The following FRY variants were observed in gnomAD, a reference collection of about 807,000 sequenced individuals.
FRY encodes the protein protein furry homolog.
A neutral mutation model predicts 348.4 loss-of-function variants in FRY; 128 were observed. The ratio of observed to expected loss-of-function variants is 0.37; its 90% CI spans 0.32 to 0.43. The LOEUF (loss-of-function observed/expected upper bound fraction) is 0.43. FRY is among the 20% of genes least tolerant of loss of function. FRY has a pLI of 1.00. For missense variants in FRY, 2,736 were observed against 3,695.2 expected (o/e 0.74, Z 6.73); for synonymous variants, 1,370 against 1,374.7 (o/e 1.00, Z 0.08).
chr13:32,137,163 A>G (rs762742703), intron 11 of FRY, among the ~76,000 whole-genome samples, 191 bp downstream of exon 11: 1 of 152,232 alleles, frequency 6.6e-6, no homozygotes, highest in Non-Finnish European at 1.5e-5. Flanking sequence ...TAGGAATAAG[A>G]TAAATCACTT....
At chr13:32,042,093 A>T (rs183757297) in intron 1 of FRY, among the ~76,000 whole-genome samples, 7 of 152,264 alleles carry the variant, frequency 4.6e-5, no homozygotes, top group Non-Finnish European at 8.8e-5. Context: ...AATCCTTAGC[A>T]CCACTTTCTA....
At chr13:32,052,789 T>C (rs1210354966) in intron 1 of FRY, among the ~76,000 whole-genome samples, 2 of 152,226 alleles carry the variant, frequency 1.3e-5, no homozygotes, top group Non-Finnish European at 2.9e-5. Context: ...GTTTTTAAGT[T>C]TGAATTTAAA....
In FRY at chr13:32,224,933, G is replaced by A; in HGVS notation, c.4917G>A (p.Arg1639=). 2 of 1,562,992 alleles carry A rather than the reference G, an allele frequency of 1.3e-6. No homozygotes were observed. The highest frequency in any genetic ancestry group is 1.8e-6 in the Non-Finnish European group (2 of 1,133,422). Reference sequence around the variant, plus strand: ...TTAATTTCATTATTTCATTGATTAGGTGCAATATTGCTGTAATTTTTATGA... The same window carrying A: ...TTAATTTCATTATTTCATTGATTAGATGCAATATTGCTGTAATTTTTATGA... ...ETITPRGPLH[R]CNIAVIFMTE... The change falls in exon 38 of 61, where the codon AGG becomes AGA. Residue 1639 remains arginine, a splice_region_variant and synonymous_variant. Coordinates refer to ENST00000542859, the MANE Select transcript of FRY (RefSeq NM_023037.3).
At chr13:32,145,796 G>A (rs914093112) in intron 11 of FRY, among the ~76,000 whole-genome samples, 14 of 151,070 alleles carry the variant, frequency 9.3e-5, no homozygotes, top group African/African-American at 2.4e-4. Context: ...CACCCGCCTC[G>A]GCCTCCCAAA....
intron 2 of FRY, among the ~76,000 whole-genome samples, chr13:32,097,592 A>ATTTCTATCACATTACGTAAATTTTTTTTG (rs1566069080): frequency 6.6e-6 from 1 of 151,826 alleles, no homozygotes; most frequent in African/African-American, 2.4e-5. Flanking sequence ...AATTCCCAAC[A>ATTTCTATCACATTACGTAAATTTTTTTTG]TCAGGTGATC....
intron 35 of FRY, among the ~76,000 whole-genome samples, chr13:32,218,283 C>T (rs1253443691): frequency 6.6e-6 from 1 of 152,132 alleles, no homozygotes; most frequent in Non-Finnish European, 1.5e-5. Context: ...CTCAAGGAAA[C>T]AAGAAATGTT....
intron 3 of FRY, among the ~76,000 whole-genome samples, chr13:32,111,928 T>C (rs1409830133): frequency 6.6e-6 from 1 of 152,184 alleles, no homozygotes; most frequent in African/African-American, 2.4e-5. Flanking sequence ...TTGCTACCTT[T>C]CTCTCAAGGG....
At chr13:32,277,165 A>T (rs914194324) in intron 57 of FRY, among the ~76,000 whole-genome samples, 7 of 152,236 alleles carry the variant, frequency 4.6e-5, no homozygotes, top group African/African-American at 1.7e-4. Flanking sequence ...TGTAGTATGT[A>T]TTAAGCCCTT....
At chr13:32,194,077 C>A (rs1883527432) in intron 28 of FRY, 66 bp from the exon 29 acceptor site, 2 of 1,441,930 alleles carry the variant, frequency 1.4e-6, no homozygotes, top group East Asian at 4.5e-5. Flanking sequence ...TAAGCTTTAT[C>A]TGTATCTTTC....
chr13:32,067,969 T>C (rs1874365096), intron 1 of FRY, among the ~76,000 whole-genome samples: 1 of 152,132 alleles, frequency 6.6e-6, no homozygotes, highest in African/African-American at 2.4e-5. Context: ...CAGTGTGTGG[T>C]CCCAGGGCAG....
chr13:32,083,118 C>T (rs577106465), intron 2 of FRY, among the ~76,000 whole-genome samples: 1 of 152,082 alleles, frequency 6.6e-6, no homozygotes, highest in African/African-American at 2.4e-5. Flanking sequence ...TCTTTTTACC[C>T]ATCTTTTATT....
At chr13:32,115,288 A>C (rs763921574) in intron 3 of FRY, among the ~76,000 whole-genome samples, 31 of 152,210 alleles carry the variant, frequency 2.0e-4, no homozygotes, top group African/African-American at 7.5e-4. Context: ...GGCCTGCTTA[A>C]CTGCAGAAAT....
At chr13:32,106,110 A>G (rs1279361298) in intron 3 of FRY, among the ~76,000 whole-genome samples, 1 of 148,168 alleles carries the variant, frequency 6.7e-6, no homozygotes, top group East Asian at 1.9e-4. Context: ...AATATAATAT[A>G]TTAATATTAA....
chr13:32,211,577 G>A (rs1045476505), intron 34 of FRY, among the ~76,000 whole-genome samples: 3 of 152,108 alleles, frequency 2.0e-5, no homozygotes, highest in Non-Finnish European at 2.9e-5. Context: ...TATTTCAGCC[G>A]ATCCCAGCCA....
At position 32,157,390 on chromosome 13, in the gene FRY, C is replaced by T. The variant is rs760173360; in HGVS notation, c.1769C>T (p.Pro590Leu). Residue 590 changes from proline to leucine, a missense_variant, in exon 16 of 61, where the codon CCG becomes CTG. By Grantham distance (98) the Pro-to-Leu change is moderately conservative. This residue lies in a region of FRY where 191 missense variants were observed against 370.2 expected (regional missense o/e 0.52). Coordinates refer to ENST00000542859, the MANE Select transcript of FRY (RefSeq NM_023037.3). ...LTNVQMLNKEPEDMITGERKP... is the reference protein window; with the variant it reads ...LTNVQMLNKELEDMITGERKP... ...AATGTACAGATGTTAAACAAAGAAC[C>T]GGAAGACATGATCACGTGAGTACAG... The T allele has an allele frequency of 3.7e-6, 6 of 1,613,148 alleles. No homozygotes were observed. The highest frequency in any genetic ancestry group is 1.1e-5 in the South Asian group (1 of 91,060).
chr13:32,263,513 C>A (rs529482908), intron 53 of FRY, among the ~76,000 whole-genome samples: 4 of 151,962 alleles, frequency 2.6e-5, no homozygotes, highest in Admixed American at 2.0e-4. Context: ...TAGCAGAGTT[C>A]TTTTTTAGCC....
intron 36 of FRY, among the ~76,000 whole-genome samples, chr13:32,219,818 CAGGAT>C (rs1489019877): frequency 6.6e-6 from 1 of 152,144 alleles, no homozygotes; most frequent in Non-Finnish European, 1.5e-5. Flanking sequence ...GCTGCTCACT[CAGGAT>C]AGGATCTGTT....
chr13:32,267,951 G>A (rs931384918), intron 55 of FRY, among the ~76,000 whole-genome samples: 3 of 152,220 alleles, frequency 2.0e-5, no homozygotes, highest in Non-Finnish European at 2.9e-5. Context: ...CCTCTCCCGT[G>A]TGAACCACAG....
chr13:32,271,894 G>A (rs9526033), intron 55 of FRY, among the ~76,000 whole-genome samples: 45,357 of 152,058 alleles, frequency 0.3, 7,544 homozygotes, highest in Middle Eastern at 0.45. Context: ...AAATGCAAAT[G>A]AGCTGGAAGG....
Sources: gnomAD v4.1 joint callset for allele counts (sites outside exome capture counted in the v4.1 genomes callset) on GRCh38, gnomAD v4.1.1 for gene constraint, gnomAD v4.1.1 regional missense constraint, MANE v1.5 for transcripts, NCBI Gene and HGNC (gene_info 2026-07-23, HGNC 2026-07-21) for gene names.